Variants in POTEM observed in about 807,000 individuals in gnomAD.
POTEM encodes POTE ankyrin domain family member M.
For missense variants in POTEM, 24 were observed against 343.0 expected (o/e 0.07, Z 7.35); for synonymous variants, 8 against 113.2 (o/e 0.07, Z 5.90).
intron 1 of POTEM, among the ~76,000 whole-genome samples, chr14:18,968,752 G>A (rs1183371236): frequency 7.3e-4 from 110 of 151,308 alleles, no homozygotes; most frequent in Non-Finnish European, 1.2e-3. Context: ...GAACCCGGGA[G>A]GCGGAGCTTG....
rs1422956684 is a variant in POTEM at position 19,002,707 on chromosome 14, C to T, written c.*4042C>T. Among the ~76,000 whole-genome samples, 14 of 152,232 alleles carry T rather than the reference C, an allele frequency of 9.2e-5. No homozygotes were observed. The highest frequency in any genetic ancestry group is 2.7e-4 in the African/African-American group (11 of 41,500). On this transcript the variant is annotated 3_prime_UTR_variant, in exon 11 of 11. Coordinates refer to ENST00000547889, the MANE Select transcript of POTEM (RefSeq NM_001145442.1). The stretch of plus-strand genomic sequence containing the variant: ...TACCATAGTTTCTGTGCTAGTGGAC[C>T]GTACCATATCAGTGGAGAGCTGCAG...
At chr14:18,981,737 T>C (rs1313462735) in intron 6 of POTEM, among the ~76,000 whole-genome samples, 1 of 151,580 alleles carries the variant, frequency 6.6e-6, no homozygotes, top group East Asian at 1.9e-4. Context: ...TTCTGAGCAA[T>C]TCACTTTTGC....
intron 9 of POTEM, among the ~76,000 whole-genome samples, chr14:18,996,198 C>T (rs1232729030): frequency 6.6e-6 from 1 of 151,574 alleles, no homozygotes; most frequent in African/African-American, 2.4e-5. Context: ...ATGGAAAGTG[C>T]TTAACGATGA....
intron 9 of POTEM, among the ~76,000 whole-genome samples, chr14:18,993,063 A>G (rs1235598552): frequency 1.5e-5 from 1 of 68,618 alleles, no homozygotes; most frequent in Non-Finnish European, 2.9e-5. Context: ...TGCCAGGCTA[A>G]TTTTCGTATT....
rs1891370576 is a variant in POTEM, at chr14:19,000,488, G to A, written c.*1823G>A. ...CCTTTTTTGTACCCCAACTTGGGGT[G>A]TATGAAGGCTTTTGGTCTCCCTGAG... is the stretch of plus-strand genomic sequence containing the variant. On this transcript the variant is annotated 3_prime_UTR_variant, in exon 11 of 11. Coordinates refer to ENST00000547889, the MANE Select transcript of POTEM (RefSeq NM_001145442.1). 8.0e-6 allele frequency among the ~76,000 whole-genome samples: 1 copy of A among 125,662 alleles called. No homozygotes were observed. The highest frequency in any genetic ancestry group is 3.5e-5 in the African/African-American group (1 of 28,424). The allele number at this position is 125,662 out of a possible 152,430, so 82.4% of individuals were successfully genotyped here. A position where few individuals can be genotyped will look rare whatever the true frequency, so the allele number is the denominator to read the frequency against.
chr14:18,982,560 T>C, intron 6 of POTEM, among the ~76,000 whole-genome samples: 1 of 141,154 alleles, frequency 7.1e-6, no homozygotes, highest in Non-Finnish European at 1.6e-5. Context: ...TTTGCTGGGA[T>C]TGATGGAAGG....
chr14:18,969,319 A>ATATATATGTATATACGTATATATATATG (rs1890847213), intron 1 of POTEM, among the ~76,000 whole-genome samples: 1 of 68,618 alleles, frequency 1.5e-5, no homozygotes, highest in East Asian at 5.2e-4. Flanking sequence ...ATATATATGT[A>ATATATATGTATATACGTATATATATATG]TATATATATA....
At chr14:18,996,152 C>G (rs1164915766) in intron 9 of POTEM, among the ~76,000 whole-genome samples, 2 of 152,126 alleles carry the variant, frequency 1.3e-5, no homozygotes, top group African/African-American at 4.8e-5. Flanking sequence ...TAGGACTTCC[C>G]AGTTTTATTC....
intron 1 of POTEM, among the ~76,000 whole-genome samples, chr14:18,969,059 G>A (rs1231668121): frequency 1.3e-5 from 2 of 148,740 alleles, no homozygotes; most frequent in African/African-American, 5.1e-5. Context: ...AAACAGAACA[G>A]GAAATTTAGA....
intron 9 of POTEM, 52 bp from the exon 10 acceptor site, chr14:18,996,989 G>T: frequency 1.6e-6 from 1 of 612,396 alleles, no homozygotes; most frequent in African/African-American, 1.9e-5. Flanking sequence ...TTGCCCTGTA[G>T]ATCATTTTGG....
intron 6 of POTEM, among the ~76,000 whole-genome samples, chr14:18,981,572 T>C (rs1891081887): frequency 6.6e-6 from 1 of 151,238 alleles, no homozygotes; most frequent in Non-Finnish European, 1.5e-5. Flanking sequence ...GAGAGAAGAA[T>C]TTTTCTAGGT....
chr14:18,968,347 T>C (rs1187109198), intron 1 of POTEM, among the ~76,000 whole-genome samples: 1 of 152,420 alleles, frequency 6.6e-6, no homozygotes, highest in Non-Finnish European at 1.5e-5. Flanking sequence ...TATTGAGAAC[T>C]AAGAATGAAG....
chr14:18,981,526 GA>G (rs1165215323), intron 6 of POTEM, among the ~76,000 whole-genome samples: 14 of 148,430 alleles, frequency 9.4e-5, no homozygotes, highest in African/African-American at 3.5e-4. Flanking sequence ...GAAAATTTTG[GA>G]AAAAAGTAGG....
intron 1 of POTEM, among the ~76,000 whole-genome samples, chr14:18,968,299 A>G (rs1281086822): frequency 5.3e-5 from 8 of 152,306 alleles, no homozygotes; most frequent in African/African-American, 1.9e-4. Context: ...TTTAATGTAC[A>G]GATTTTAAAA....
chr14:18,969,317 GTATATATA>G (rs796722398), intron 1 of POTEM, among the ~76,000 whole-genome samples: 1 of 84,724 alleles, frequency 1.2e-5, no homozygotes, highest in East Asian at 2.9e-4. Flanking sequence ...GTATATATAT[GTATATATA>G]TATATATACG....
At chr14:18,969,282 T>TAC (rs1298172470) in intron 1 of POTEM, among the ~76,000 whole-genome samples, 10 of 130,816 alleles carry the variant, frequency 7.6e-5, no homozygotes, top group African/African-American at 2.8e-4. Context: ...CAGATATATA[T>TAC]ACACATGTAT....
At position 18,999,327 on chromosome 14, in the gene POTEM, G is replaced by A. The variant is rs1380471177; in HGVS notation, c.*662G>A. On this transcript the variant is annotated 3_prime_UTR_variant, in exon 11 of 11. Transcript: ENST00000547889. ...TGGCCGTACTACTGGCATTGTGATG[G>A]ACTCTGGTGACGGGGTCACCCACAC... 3.0e-4 allele frequency among the ~76,000 whole-genome samples: 39 copies of A among 130,742 alleles called. No individual in the cohort carries two copies. The highest frequency in any genetic ancestry group is 1.0e-3 in the African/African-American group (37 of 35,296). The allele number at this position is 130,742 out of a possible 152,430, so 85.8% of individuals were successfully genotyped here.
intron 1 of POTEM, among the ~76,000 whole-genome samples, chr14:18,969,289 G>GCA (rs1890842726): frequency 6.3e-5 from 6 of 94,826 alleles, no homozygotes. Context: ...ATATACACAT[G>GCA]TATATATATG....
chr14:18,993,031 G>A lies in POTEM; in HGVS notation c.1410-4010G>A, dbSNP rs1229260026. Reference sequence around the variant, plus strand: ...CCTGCCTCAGCCACCTGAGGAGATGGGATTACAGGCGCGTGCCATGATGCC... The same window carrying A: ...CCTGCCTCAGCCACCTGAGGAGATGAGATTACAGGCGCGTGCCATGATGCC... On this transcript the variant is annotated intron_variant, in intron 9 of 10. Coordinates refer to ENST00000547889, the MANE Select transcript of POTEM (RefSeq NM_001145442.1). Among the ~76,000 whole-genome samples, 15 of 68,700 alleles carry A rather than the reference G, an allele frequency of 2.2e-4. 6 individuals are homozygous for A. Among genetic ancestry groups the A allele is most frequent in the African/African-American group, 8.5e-4 (12 of 14,042 alleles). 45.1% of individuals were successfully genotyped at this position (68,700 alleles called of 152,430 possible).
Sources: gnomAD v4.1 joint callset for allele counts (sites outside exome capture counted in the v4.1 genomes callset) on GRCh38, gnomAD v4.1.1 for gene constraint, MANE v1.5 for transcripts, NCBI Gene and HGNC (gene_info 2026-07-23, HGNC 2026-07-21) for gene names.